CDKL5: variants seen among roughly 807,000 people sequenced by gnomAD.
CDKL5 encodes the protein cyclin-dependent kinase-like 5.
A neutral mutation model predicts 61.7 loss-of-function variants in CDKL5; 8 were observed. The ratio of observed to expected loss-of-function variants is 0.13; its 90% CI spans 0.08 to 0.23. The LOEUF (loss-of-function observed/expected upper bound fraction) is 0.23, where lower values mean the gene tolerates loss of function less well. Ranked by LOEUF, CDKL5 falls within the 10% of genes least tolerant of loss-of-function variation. CDKL5 has a pLI of 1.00. For synonymous variants in CDKL5, 275 were observed against 272.3 expected (o/e 1.01, Z -0.10); for missense variants, 440 against 734.5 (o/e 0.60, Z 4.63).
At chrX:18,567,799 C>T (rs1030836081) in intron 4 of CDKL5, among the ~76,000 whole-genome samples, 1 of 111,389 alleles carries the variant, frequency 9.0e-6, no homozygotes, top group African/African-American at 3.3e-5. Flanking sequence ...GTAGGAGGCT[C>T]GCTTGAGCCC....
At chrX:18,612,840 T>G (rs773918147) in intron 14 of CDKL5, among the ~76,000 whole-genome samples, 1 of 110,550 alleles carries the variant, frequency 9.0e-6, no homozygotes, top group Non-Finnish European at 1.9e-5. Context: ...ACACAAAAGT[T>G]ATGTGAAGAG....
At chrX:18,457,099 A>G (rs1171367360) in intron 1 of CDKL5, among the ~76,000 whole-genome samples, 1 of 109,618 alleles carries the variant, frequency 9.1e-6, no homozygotes, top group Non-Finnish European at 1.9e-5. Flanking sequence ...AGTAGTAGGC[A>G]CCACATACTA....
chrX:18,491,184 A>T (rs1379443715), intron 1 of CDKL5, among the ~76,000 whole-genome samples: 2 of 112,214 alleles, frequency 1.8e-5, no homozygotes, highest in Non-Finnish European at 3.8e-5. Context: ...TTGGAACCGT[A>T]ATGAAAAAAG....
At chrX:18,507,756 G>A (rs981315885) in intron 2 of CDKL5, among the ~76,000 whole-genome samples, 1 of 111,034 alleles carries the variant, frequency 9.0e-6, no homozygotes, top group African/African-American at 3.3e-5. Context: ...TAGAGACTGG[G>A]TTTCACCATG....
At chrX:18,474,757 A>G (rs1407446421) in intron 1 of CDKL5, among the ~76,000 whole-genome samples, 1 of 111,752 alleles carries the variant, frequency 8.9e-6, no homozygotes, top group Non-Finnish European at 1.9e-5. Context: ...CAACTTAGGC[A>G]GGCAAATAAT....
chrX:18,649,893 G>A (rs1236941599), intron 20 of CDKL5, among the ~76,000 whole-genome samples: 2 of 111,563 alleles, frequency 1.8e-5, no homozygotes, highest in Non-Finnish European at 3.8e-5. Flanking sequence ...TTTTTCATGG[G>A]CAAAATTCTA....
chrX:18,606,512 TC>T (rs994740719), intron 12 of CDKL5, among the ~76,000 whole-genome samples: 1 of 112,331 alleles, frequency 8.9e-6, no homozygotes, highest in Non-Finnish European at 1.9e-5. Context: ...GATAAGTTGT[TC>T]CACTACTGTG....
At chrX:18,560,531 A>G (rs1010744558) in intron 3 of CDKL5, among the ~76,000 whole-genome samples, 59 of 112,001 alleles carry the variant, frequency 5.3e-4, no homozygotes, top group African/African-American at 1.8e-3. Context: ...ATGTTCGTTT[A>G]CTAAATGTTT....
At chrX:18,440,174 G>A (rs948277265) in intron 1 of CDKL5, among the ~76,000 whole-genome samples, 3 of 111,601 alleles carry the variant, frequency 2.7e-5, no homozygotes, top group African/African-American at 9.8e-5. Flanking sequence ...GTTTGATAGC[G>A]TTTTACCCAC....
chrX:18,642,148 A>G, downstream of CDKL5: 1 of 1,211,648 alleles, frequency 8.3e-7, no homozygotes, highest in Non-Finnish European at 1.1e-6. Flanking sequence ...CCGAGTTGCC[A>G]TAGAAGACCT....
chrX:18,522,039 G>A (rs1923262274), intron 3 of CDKL5, among the ~76,000 whole-genome samples: 1 of 110,947 alleles, frequency 9.0e-6, no homozygotes, highest in African/African-American at 3.3e-5. Context: ...TTGCAATTCT[G>A]TATGAATTTG....
chrX:18,608,715 C>T (rs1225660298), intron 12 of CDKL5, 96 bp from the exon 13 acceptor site: 3 of 564,825 alleles, frequency 5.3e-6, no homozygotes, highest in Admixed American at 5.5e-5. Flanking sequence ...TTTATTTTAG[C>T]TGGTTATGGT....
chrX:18,624,886 C>A (rs181691923), intron 16 of CDKL5, among the ~76,000 whole-genome samples: 1,192 of 111,919 alleles, frequency 0.011, 36 homozygotes, highest in Admixed American at 0.099. Flanking sequence ...TGAGGTTTAA[C>A]AAAGCTGCAT....
At position 18,573,994 on chromosome X, in the gene CDKL5, C is replaced by T. The variant is rs191704666; in HGVS notation, c.146-1360C>T. On this transcript the variant is annotated intron_variant, in intron 4 of 17. Coordinates refer to ENST00000623535, the MANE Select transcript of CDKL5 (RefSeq NM_001323289.2). ...CCCTCTCCCTTTGGAATCCATTCAGCCTTTTTCCTCCTGCGTGCCTTGGTT... is the reference window on the plus strand; with the variant it reads ...CCCTCTCCCTTTGGAATCCATTCAGTCTTTTTCCTCCTGCGTGCCTTGGTT... Among the ~76,000 whole-genome samples the T allele has an allele frequency of 4.1e-3, 460 of 111,487 alleles. 2 individuals are homozygous for T. Among genetic ancestry groups the T allele is most frequent in the African/African-American group, 0.015 (447 of 30,684 alleles).
chrX:18,647,377 C>T (rs188712565), intron 20 of CDKL5: 2 of 1,179,005 alleles, frequency 1.7e-6, no homozygotes, highest in East Asian at 3.0e-5. Flanking sequence ...TCTCAATACT[C>T]AACAAGCACC....
At chrX:18,534,801 T>G (rs1470627130) in intron 3 of CDKL5, among the ~76,000 whole-genome samples, 1 of 112,160 alleles carries the variant, frequency 8.9e-6, no homozygotes, top group Non-Finnish European at 1.9e-5. Flanking sequence ...ACTTGCCCTA[T>G]TATAGGTATA....
At chrX:18,440,092 G>A (rs766897015) in intron 1 of CDKL5, among the ~76,000 whole-genome samples, 7 of 110,764 alleles carry the variant, frequency 6.3e-5, no homozygotes, top group Non-Finnish European at 1.3e-4. Context: ...TCTTAAAATA[G>A]GACAGCAATG....
At chrX:18,546,464 G>T (rs1169268172) in intron 3 of CDKL5, among the ~76,000 whole-genome samples, 1 of 110,299 alleles carries the variant, frequency 9.1e-6, no homozygotes, top group Non-Finnish European at 1.9e-5. Flanking sequence ...GTTTCACCAT[G>T]TTGGCCAGGC....
intron 3 of CDKL5, among the ~76,000 whole-genome samples, chrX:18,556,056 C>T (rs1400911468): frequency 9.0e-6 from 1 of 111,677 alleles, no homozygotes; most frequent in African/African-American, 3.3e-5. Context: ...TTCTATAGTA[C>T]TTGGCAAATG....
Sources: gnomAD v4.1 joint callset for allele counts (sites outside exome capture counted in the v4.1 genomes callset) on GRCh38, gnomAD v4.1.1 for gene constraint, MANE v1.5 for transcripts, NCBI Gene and HGNC (gene_info 2026-07-23, HGNC 2026-07-21) for gene names.